TRPM3: variants seen among roughly 807,000 people sequenced by gnomAD.
TRPM3 encodes long transient receptor potential channel 3.
Under a neutral mutation model 181.2 loss-of-function variants are expected in TRPM3, and 77 were observed. The ratio of observed to expected loss-of-function variants is 0.42; its 90% CI spans 0.35 to 0.51. The LOEUF is 0.51. TRPM3 is among the 20% of genes least tolerant of loss of function. The pLI, the probability that TRPM3 is intolerant of heterozygous loss-of-function variation, is 0.01. For missense variants in TRPM3, 1,759 were observed against 2,196.7 expected, an observed-to-expected ratio of 0.80 and a Z score of 3.98; for synonymous variants, 745 against 796.4, an observed-to-expected ratio of 0.94 and a Z score of 1.09.
intron 22 of TRPM3, among the ~76,000 whole-genome samples, chr9:70,558,111 C>A (rs1331284389): frequency 1.3e-5 from 2 of 152,152 alleles, no homozygotes; most frequent in Admixed American, 6.5e-5. Context: ...AGCCTTGGAA[C>A]TTTTGTTGAA....
chr9:70,984,148 A>G (rs1355454244), intron 1 of TRPM3, among the ~76,000 whole-genome samples: 2 of 152,246 alleles, frequency 1.3e-5, no homozygotes, highest in African/African-American at 4.8e-5. Context: ...TCAACAAGCT[A>G]CATAAATTTT....
chr9:71,233,058 G>T (rs566613212), intron 1 of TRPM3, among the ~76,000 whole-genome samples: 7 of 152,282 alleles, frequency 4.6e-5, no homozygotes, highest in African/African-American at 1.7e-4. Context: ...ACATCTGAAA[G>T]TGCCATATGT....
intron 1 of TRPM3, among the ~76,000 whole-genome samples, chr9:71,333,875 G>A (rs1293532062): frequency 6.6e-6 from 1 of 151,876 alleles, no homozygotes; most frequent in African/African-American, 2.4e-5. Context: ...GAAATCTCCT[G>A]TTTCTATTTA....
intron 1 of TRPM3, among the ~76,000 whole-genome samples, chr9:71,243,233 G>A (rs546251601): frequency 2.6e-4 from 40 of 152,220 alleles, no homozygotes; most frequent in African/African-American, 8.9e-4. Flanking sequence ...GTAAAGATTG[G>A]GTTTCACCAT....
chr9:71,305,498 A>C (rs1057339154), intron 1 of TRPM3, among the ~76,000 whole-genome samples: 2 of 152,180 alleles, frequency 1.3e-5, no homozygotes, highest in African/African-American at 4.8e-5. Flanking sequence ...CTGGTAAATA[A>C]AATTACAAGA....
intron 22 of TRPM3, among the ~76,000 whole-genome samples, chr9:70,588,463 G>GT (rs900272962): frequency 1.3e-5 from 2 of 149,066 alleles, no homozygotes; most frequent in Non-Finnish European, 3.0e-5. Context: ...CAATTCTGAA[G>GT]TAAAAAAAAA....
At chr9:70,912,194 G>T (rs1481291732) in intron 1 of TRPM3, among the ~76,000 whole-genome samples, 1 of 152,160 alleles carries the variant, frequency 6.6e-6, no homozygotes, top group Non-Finnish European at 1.5e-5. Flanking sequence ...ATATTTAAAA[G>T]GATAAATGTA....
chr9:70,932,966 A>G (rs2096789882), intron 1 of TRPM3, among the ~76,000 whole-genome samples: 1 of 152,126 alleles, frequency 6.6e-6, no homozygotes, highest in African/African-American at 2.4e-5. Context: ...TGGGTTTGAG[A>G]TATATTTTAG....
chr9:70,623,875 T>A (rs1174201325), intron 14 of TRPM3, among the ~76,000 whole-genome samples: 2 of 152,054 alleles, frequency 1.3e-5, no homozygotes, highest in Non-Finnish European at 2.9e-5. Flanking sequence ...ACTTTTTTTT[T>A]TCATGGAATA....
intron 1 of TRPM3, among the ~76,000 whole-genome samples, chr9:71,405,961 G>A (rs559844698): frequency 8.5e-5 from 13 of 152,144 alleles, no homozygotes; most frequent in East Asian, 1.9e-4. Context: ...ATTTAATATC[G>A]CGTTATCTTT....
intron 9 of TRPM3, among the ~76,000 whole-genome samples, chr9:70,661,645 A>G (rs895915321): frequency 6.6e-6 from 1 of 152,128 alleles, no homozygotes; most frequent in African/African-American, 2.4e-5. Context: ...TACACCAAAA[A>G]TGACCAAGCT....
intron 3 of TRPM3, among the ~76,000 whole-genome samples, 158 bp from the exon 4 acceptor site, chr9:70,846,749 G>T (rs2099969767): frequency 1.3e-5 from 2 of 152,146 alleles, no homozygotes; most frequent in South Asian, 4.1e-4. Context: ...TATCAAAAGA[G>T]CCTTCATTAG....
chr9:71,005,060 T>G (rs936280897), intron 1 of TRPM3, among the ~76,000 whole-genome samples: 1 of 152,022 alleles, frequency 6.6e-6, no homozygotes, highest in Admixed American at 6.5e-5. Context: ...GGAAGCCAAT[T>G]TGAGAAAATA....
chr9:71,014,074 C>G (rs2097766188), intron 1 of TRPM3, among the ~76,000 whole-genome samples: 1 of 151,794 alleles, frequency 6.6e-6, no homozygotes, highest in African/African-American at 2.4e-5. Flanking sequence ...TAAACTCTTC[C>G]TTAATCACTA....
chr9:71,133,446 T>C (rs946038807), intron 1 of TRPM3, among the ~76,000 whole-genome samples: 3 of 152,030 alleles, frequency 2.0e-5, no homozygotes, highest in African/African-American at 7.2e-5. Context: ...ATTACAGGCA[T>C]GTGCCACCAC....
At chr9:70,872,117 C>T (rs895802025) in intron 1 of TRPM3, among the ~76,000 whole-genome samples, 3 of 151,938 alleles carry the variant, frequency 2.0e-5, no homozygotes, top group African/African-American at 7.2e-5. Context: ...CTGCTAAGGG[C>T]CAGATGGTAC....
intron 1 of TRPM3, among the ~76,000 whole-genome samples, chr9:71,106,079 C>CAGCTTTTGTTGTAAGGATACCTGTTGTA (rs2069473084): frequency 6.6e-6 from 1 of 152,140 alleles, no homozygotes; most frequent in African/African-American, 2.4e-5. Context: ...TACCTGTTAG[C>CAGCTTTTGTTGTAAGGATACCTGTTGTA]AGCTTTTACA....
chr9:71,255,378 C>A (rs1039385431), intron 1 of TRPM3, among the ~76,000 whole-genome samples: 1 of 152,098 alleles, frequency 6.6e-6, no homozygotes, highest in Non-Finnish European at 1.5e-5. Flanking sequence ...AAAACTTTTA[C>A]AAGATTGTGA....
In TRPM3 at chr9:70,625,292, T is replaced by G. The variant is rs1195989747; in HGVS notation, c.1708A>C (p.Ile570Leu). 1 of 1,614,060 alleles carries G rather than the reference T, an allele frequency of 6.2e-7. No homozygotes were observed. Among genetic ancestry groups the G allele is most frequent in the African/African-American group, 1.3e-5 (1 of 74,932 alleles). Residue 570 changes from isoleucine (I) to leucine (L), a missense_variant, in exon 14 of 26, where the codon ATC becomes CTC. Ile to Leu is a conservative substitution (Grantham distance 5). Around this residue, in one of 8 missense-constraint regions of TRPM3, gnomAD observed 737 missense variants for 957.4 expected, o/e 0.77. Transcript: ENST00000677713. The surrounding 1 kb of genome is among the most constrained non-coding windows in gnomAD (Gnocchi z 4.8). ...PPDYRISLID[I>L]GLVIEYLMGG... ...ATCAGGTACTCGATCACCAGGCCGA[T>G]GTCAATCAGGCTGATTCTGTAGTCT... is the stretch of plus-strand genomic sequence containing the variant.
Sources: allele counts gnomAD v4.1 joint callset (sites outside exome capture counted in the v4.1 genomes callset), GRCh38; gene constraint gnomAD v4.1.1; regional missense constraint gnomAD v4.1.1; non-coding constraint Gnocchi (gnomAD v3.1); transcripts MANE v1.5; gene names NCBI Gene and HGNC (gene_info 2026-07-23, HGNC 2026-07-21).